PRKN: variants seen among roughly 807,000 people sequenced by gnomAD.
The protein encoded by PRKN is E3 ubiquitin-protein ligase parkin.
PRKN carries 56 observed loss-of-function variants against 59.5 expected under a neutral mutation model. The observed-to-expected ratio is 0.94, with a 90% CI of 0.76 to 1.18. The LOEUF (loss-of-function observed/expected upper bound fraction) is 1.18, where lower values mean the gene tolerates loss of function less well. Ranked by LOEUF, PRKN falls within the 50% of genes most tolerant of loss-of-function variation. The probability of loss-of-function intolerance (pLI) is 0.00; values close to 1 mark genes in which losing one functional copy is unlikely to be tolerated. For missense variants in PRKN, 657 were observed against 596.4 expected (o/e 1.10, Z -1.06); for synonymous variants, 250 against 222.1 (o/e 1.13, Z -1.12).
At chr6:162,105,754 A>G in intron 4 of PRKN, among the ~76,000 whole-genome samples, 1 of 152,236 alleles carries the variant, frequency 6.6e-6, no homozygotes, top group East Asian at 1.9e-4. Flanking sequence ...AATAAGAAAA[A>G]TAAAAATCAA....
chr6:161,568,777 A>C (rs944415240), intron 8 of PRKN, among the ~76,000 whole-genome samples: 1 of 152,074 alleles, frequency 6.6e-6, no homozygotes, highest in Non-Finnish European at 1.5e-5. Context: ...GTGTGTACAT[A>C]TATATAATAT....
intron 1 of PRKN, among the ~76,000 whole-genome samples, chr6:162,506,373 C>T (rs183383789): frequency 6.6e-6 from 1 of 151,468 alleles, no homozygotes; most frequent in East Asian, 2.0e-4. Flanking sequence ...AGAGAAATGT[C>T]TAGCAAGCTA....
At chr6:162,609,834 C>A (rs921975920) in intron 1 of PRKN, among the ~76,000 whole-genome samples, 3 of 151,990 alleles carry the variant, frequency 2.0e-5, no homozygotes, top group Non-Finnish European at 4.4e-5. Flanking sequence ...CTGGCAATAC[C>A]CTAAGACAGA....
At chr6:161,432,029 C>T (rs1788670041) in intron 9 of PRKN, among the ~76,000 whole-genome samples, 1 of 152,206 alleles carries the variant, frequency 6.6e-6, no homozygotes, top group Admixed American at 6.5e-5. Context: ...TAATTATTCA[C>T]AGATGCCAAA....
chr6:162,678,204 T>G (rs558274663), intron 1 of PRKN, among the ~76,000 whole-genome samples: 7 of 152,230 alleles, frequency 4.6e-5, no homozygotes, highest in Non-Finnish European at 1.0e-4. Flanking sequence ...ATTCACCTGT[T>G]GATGGTTATT....
At chr6:162,536,869 A>C (rs1376354191) in intron 1 of PRKN, among the ~76,000 whole-genome samples, 1 of 152,244 alleles carries the variant, frequency 6.6e-6, no homozygotes, top group Non-Finnish European at 1.5e-5. Context: ...GCAAAGATGC[A>C]TTGATTTCTT....
chr6:162,020,348 A>T (rs1158010879), intron 5 of PRKN, among the ~76,000 whole-genome samples: 10 of 151,388 alleles, frequency 6.6e-5, no homozygotes, highest in Middle Eastern at 3.4e-3. Flanking sequence ...AAAAAAAAAA[A>T]AAAAAAAAAA....
chr6:161,770,717 C>T (rs1227735802), intron 7 of PRKN, among the ~76,000 whole-genome samples: 1 of 152,186 alleles, frequency 6.6e-6, no homozygotes. Flanking sequence ...ATCCACCCGC[C>T]TCAGCCTCCC....
At chr6:161,479,280 G>A (rs565727338) in intron 9 of PRKN, among the ~76,000 whole-genome samples, 10 of 152,198 alleles carry the variant, frequency 6.6e-5, no homozygotes, top group Non-Finnish European at 1.5e-4. Flanking sequence ...CACTATCTAC[G>A]CATTCACATG....
intron 1 of PRKN, chr6:162,568,746 A>G (rs894579211): frequency 5.3e-6 from 4 of 751,652 alleles, no homozygotes; most frequent in African/African-American, 5.1e-5. Context: ...CTACATCAAC[A>G]ACCCTAGGGG....
intron 3 of PRKN, among the ~76,000 whole-genome samples, chr6:162,252,193 G>T (rs1478452652): frequency 6.6e-6 from 1 of 152,138 alleles, no homozygotes; most frequent in African/African-American, 2.4e-5. Flanking sequence ...TAATGTTTGG[G>T]GAAATAACCA....
chr6:162,594,517 T>C (rs1042469090), intron 1 of PRKN, among the ~76,000 whole-genome samples: 4 of 152,208 alleles, frequency 2.6e-5, no homozygotes, highest in African/African-American at 9.6e-5. Flanking sequence ...GTAATATATT[T>C]TGATTCTTCA....
intron 2 of PRKN, among the ~76,000 whole-genome samples, chr6:162,332,747 GC>G (rs774977665): frequency 3.2e-4 from 48 of 152,132 alleles, no homozygotes; most frequent in Non-Finnish European, 5.0e-4. Flanking sequence ...ACACTGGCAG[GC>G]AGGGCCCAGA....
At chr6:161,824,572 C>T (rs187057633) in intron 6 of PRKN, among the ~76,000 whole-genome samples, 15 of 152,240 alleles carry the variant, frequency 9.9e-5, no homozygotes, top group Admixed American at 8.5e-4. Flanking sequence ...GTATCGGAAA[C>T]ATCTCAAACC....
chr6:162,382,633 C>T (rs1263361498), intron 2 of PRKN, among the ~76,000 whole-genome samples: 1 of 152,158 alleles, frequency 6.6e-6, no homozygotes, highest in Non-Finnish European at 1.5e-5. Context: ...TGCTGACTGA[C>T]TAGGATGGTG....
chr6:162,713,881 T>C (rs1237775751), intron 1 of PRKN, among the ~76,000 whole-genome samples: 1 of 152,164 alleles, frequency 6.6e-6, no homozygotes, highest in Non-Finnish European at 1.5e-5. Flanking sequence ...AATCAGTAAA[T>C]ATTCTAAAAT....
chr6:162,020,232 G>A (rs942461036), intron 5 of PRKN, among the ~76,000 whole-genome samples: 17 of 147,502 alleles, frequency 1.2e-4, no homozygotes, highest in African/African-American at 4.0e-4. Flanking sequence ...TGTGACTGCA[G>A]TGCACTTCTG....
intron 3 of PRKN, among the ~76,000 whole-genome samples, chr6:162,256,226 G>A (rs556544455): frequency 6.6e-6 from 1 of 152,078 alleles, no homozygotes; most frequent in South Asian, 2.1e-4. Context: ...TGTCATAAGG[G>A]TTTCATTTTC....
chr6:162,519,303 T>C (rs976387915), intron 1 of PRKN, among the ~76,000 whole-genome samples: 4 of 152,160 alleles, frequency 2.6e-5, no homozygotes, highest in African/African-American at 9.7e-5. Flanking sequence ...GCCAGCGAAT[T>C]AAGGCTCTGT....
Sources: allele counts gnomAD v4.1 joint callset (sites outside exome capture counted in the v4.1 genomes callset), GRCh38; gene constraint gnomAD v4.1.1; transcripts MANE v1.5; gene names NCBI Gene and HGNC (gene_info 2026-07-23, HGNC 2026-07-21).